The following KDM1A variants were observed in gnomAD, a reference collection of about 807,000 sequenced individuals.
KDM1A encodes the protein lysine demethylase 1A.
KDM1A carries 49 observed loss-of-function variants against 109.4 expected under a neutral mutation model. The ratio of observed to expected loss-of-function variants is 0.45; its 90% CI spans 0.36 to 0.57. The LOEUF (loss-of-function observed/expected upper bound fraction) is 0.57. Among genes scored for constraint, KDM1A ranks in the 20% least tolerant of loss-of-function variants. The pLI, the probability that KDM1A is intolerant of heterozygous loss-of-function variation, is 0.00. For missense variants in KDM1A, 668 were observed against 1,116.6 expected (o/e 0.60, Z 5.73); for synonymous variants, 380 against 415.4 (o/e 0.91, Z 1.04).
Position 23,069,158 on chromosome 1 carries a change from T to A in KDM1A, c.1413+7T>A. ...GAAAGAACTTCTTAATAAGGTGAAA[T>A]TCTGTATTTTCTTCATAGCTGAAGA... On this transcript the variant is annotated splice_region_variant and intron_variant, in intron 12 of 20. Coordinates refer to ENST00000400181, the MANE Select transcript of KDM1A (RefSeq NM_001009999.3). 1 of 1,521,934 alleles carries A rather than the reference T, an allele frequency of 6.6e-7. No individual in the cohort carries two copies. Among genetic ancestry groups the A allele is most frequent in the East Asian group, 2.3e-5 (1 of 44,304 alleles). The allele number at this position is 1,521,934 out of a possible 1,614,324, so 94.3% of individuals were successfully genotyped here.
intron 14 of KDM1A, 28 bp downstream of exon 14, chr1:23,072,225 A>G: frequency 2.0e-6 from 3 of 1,518,260 alleles, no homozygotes; most frequent in Non-Finnish European, 2.7e-6. Context: ...AAAAGTTCAG[A>G]GGGAGAGCTT....
rs767187910 is a variant in KDM1A, at chr1:23,019,857, T to C, written c.261T>C (p.Pro87=). The C allele has an allele frequency of 5.6e-5, 86 of 1,525,228 alleles. No individual in the cohort carries two copies. Among genetic ancestry groups the C allele is most frequent in the Non-Finnish European group, 7.5e-5 (86 of 1,140,002 alleles). 94.5% of individuals were successfully genotyped at this position (1,525,228 alleles called of 1,614,324 possible). ...GGTCCGCAGGGCCTCAGGCCGGCCCTACTGTCGTGCCTGGGTCTGCGACCC... is the reference window on the plus strand; with the variant it reads ...GGTCCGCAGGGCCTCAGGCCGGCCCCACTGTCGTGCCTGGGTCTGCGACCC... The part of the protein sequence containing the change: ...PPGSAGPQAG[P]TVVPGSATPM... The change falls in exon 1 of 21, where the codon CCT becomes CCC. Residue 87 remains proline (P), a synonymous_variant. Transcript: ENST00000400181.
intron 4 of KDM1A, among the ~76,000 whole-genome samples, chr1:23,053,201 A>T (rs567362966): frequency 6.6e-6 from 1 of 152,074 alleles, no homozygotes; most frequent in South Asian, 2.1e-4. Flanking sequence ...TTCTAGCTCT[A>T]TGGATTTGGC....
At chr1:23,027,759 G>A (rs1461695882) in intron 1 of KDM1A, among the ~76,000 whole-genome samples, 1 of 149,160 alleles carries the variant, frequency 6.7e-6, no homozygotes, top group South Asian at 2.1e-4. Context: ...GTCATCTCAG[G>A]ATGCTCTCAG....
At chr1:23,063,280 G>A (rs895757016) in intron 9 of KDM1A, among the ~76,000 whole-genome samples, 1 of 145,434 alleles carries the variant, frequency 6.9e-6, no homozygotes, top group Non-Finnish European at 1.5e-5. Context: ...ACAGGTTCCA[G>A]TAACTGCTTT....
intron 19 of KDM1A, chr1:23,081,999 T>TCGCCCTA: frequency 2.8e-6 from 1 of 358,914 alleles, no homozygotes; most frequent in Non-Finnish European, 4.9e-6. Context: ...GATCTCTGGA[T>TCGCCCTA]TCATAGACAG....
At chr1:23,077,197 T>G (rs781518607) in intron 15 of KDM1A, 31 bp from the exon 16 acceptor site, 3 of 1,601,766 alleles carry the variant, frequency 1.9e-6, no homozygotes, top group African/African-American at 2.7e-5. Flanking sequence ...TAATAAAAGG[T>G]TGGAAATATG....
At chr1:23,053,860 G>T in intron 5 of KDM1A, 21 bp downstream of exon 5, 2 of 1,312,686 alleles carry the variant, frequency 1.5e-6, no homozygotes, top group South Asian at 2.4e-5. Flanking sequence ...TGTTCAATAG[G>T]ACTAATTTGT....
chr1:23,077,371 G>A lies in KDM1A; in HGVS notation c.1867+11G>A, dbSNP rs1229400804. The stretch of plus-strand genomic sequence containing the variant: ...GCTACACGGCTTCAGGTATGTCACT[G>A]CTTTACAAAAGGTAAGAGAGAACTC... On this transcript the variant is annotated intron_variant, in intron 16 of 20. Transcript: ENST00000400181. 3 of 1,607,874 alleles carry A rather than the reference G, an allele frequency of 1.9e-6. No homozygotes were observed. Among genetic ancestry groups the A allele is most frequent in the Non-Finnish European group, 2.6e-6 (3 of 1,175,916 alleles).
intron 15 of KDM1A, among the ~76,000 whole-genome samples, chr1:23,076,984 G>C (rs1353757004): frequency 6.7e-6 from 1 of 150,086 alleles, no homozygotes; most frequent in Non-Finnish European, 1.5e-5. Flanking sequence ...AAAAAATCCA[G>C]GGACAAAAGA....
chr1:23,022,540 A>G (rs373835816), intron 1 of KDM1A, among the ~76,000 whole-genome samples: 21 of 150,800 alleles, frequency 1.4e-4, no homozygotes, highest in African/African-American at 4.4e-4. Context: ...GGGTTTCTCC[A>G]TGTTGGTCAG....
intron 1 of KDM1A, among the ~76,000 whole-genome samples, chr1:23,021,846 C>T (rs1641642049): frequency 6.6e-6 from 1 of 152,168 alleles, no homozygotes; most frequent in African/African-American, 2.4e-5. Context: ...ACTCCCCAGT[C>T]CTCCCTACCC....
Position 23,077,086 on chromosome 1 carries a change from A to G in KDM1A, c.1735-142A>G, listed in dbSNP as rs549915275. The G allele has an allele frequency of 2.9e-5, 20 of 685,260 alleles. 1 individual carries two copies. The South Asian group carries it at 5.6e-4, about 19-fold the overall frequency. 42.4% of individuals were successfully genotyped at this position (685,260 alleles called of 1,614,324 possible). ...TTTCCTTTGGTAACTGTAGCTAAAT[A>G]CTGAGTGATTTGTTCTTTAGTTTGC... On this transcript the variant is annotated intron_variant, in intron 15 of 20. Coordinates refer to ENST00000400181, the MANE Select transcript of KDM1A (RefSeq NM_001009999.3).
At chr1:23,035,069 A>C (rs956629422) in intron 2 of KDM1A, among the ~76,000 whole-genome samples, 1 of 152,168 alleles carries the variant, frequency 6.6e-6, no homozygotes, top group Admixed American at 6.5e-5. Context: ...TATTTTATGG[A>C]ATGACCATGG....
At chr1:23,067,325 G>T (rs906510427) in intron 10 of KDM1A, among the ~76,000 whole-genome samples, 1 of 152,210 alleles carries the variant, frequency 6.6e-6, no homozygotes, top group African/African-American at 2.4e-5. Flanking sequence ...TTTGGGGGCA[G>T]ATTGCCCTTC....
chr1:23,078,865 A>G, intron 16 of KDM1A, 125 bp from the exon 17 acceptor site: 2 of 868,040 alleles, frequency 2.3e-6, no homozygotes, highest in Non-Finnish European at 1.8e-6. Flanking sequence ...GTGAAACATG[A>G]AGGTAATGAA....
At chr1:23,050,160 T>C (rs996785527) in intron 3 of KDM1A, among the ~76,000 whole-genome samples, 24 of 152,262 alleles carry the variant, frequency 1.6e-4, no homozygotes, top group African/African-American at 5.5e-4. Context: ...AGAAACTATT[T>C]TAAATGCTTT....
intron 3 of KDM1A, among the ~76,000 whole-genome samples, chr1:23,047,758 A>G (rs1642543420): frequency 6.6e-6 from 1 of 152,104 alleles, no homozygotes; most frequent in African/African-American, 2.4e-5. Context: ...AAAATTAGAC[A>G]TAGTGGCTTG....
chr1:23,043,496 T>C (rs1052158375), intron 2 of KDM1A, among the ~76,000 whole-genome samples: 3 of 152,214 alleles, frequency 2.0e-5, no homozygotes, highest in Non-Finnish European at 4.4e-5. Context: ...AAATAAACTT[T>C]AATGAAGCTT....
Sources: allele counts gnomAD v4.1 joint callset (sites outside exome capture counted in the v4.1 genomes callset), GRCh38; gene constraint gnomAD v4.1.1; transcripts MANE v1.5; gene names NCBI Gene and HGNC (gene_info 2026-07-23, HGNC 2026-07-21).